The following RARB variants were observed in gnomAD, a reference collection of about 807,000 sequenced individuals.
RARB encodes the protein HBV-activated protein.
RARB carries 17 observed loss-of-function variants against 51.9 expected under a neutral mutation model. That is an observed-to-expected ratio of 0.33 (90% confidence interval 0.22 to 0.49). RARB has a LOEUF of 0.49. Ranked by LOEUF, RARB falls within the 20% of genes least tolerant of loss-of-function variation. The pLI is 0.99. For missense variants in RARB, 369 were observed against 550.8 expected, an observed-to-expected ratio of 0.67 and a Z score of 3.30; for synonymous variants, 215 against 195.4, an observed-to-expected ratio of 1.10 and a Z score of -0.84.
At chr3:25,158,437 G>A (rs929038551) in intron 4 of RARB, among the ~76,000 whole-genome samples, 4 of 152,188 alleles carry the variant, frequency 2.6e-5, no homozygotes, top group South Asian at 2.1e-4. Context: ...TGAAGAAGCT[G>A]TAGACCTATT....
intron 3 of RARB, among the ~76,000 whole-genome samples, chr3:25,538,354 G>A (rs1222423649): frequency 1.3e-5 from 2 of 152,158 alleles, no homozygotes; most frequent in African/African-American, 4.8e-5. Context: ...ACTTGGTAAT[G>A]CGGGCTCCTT....
At position 25,593,608 on chromosome 3, in the gene RARB, C is replaced by G; in HGVS notation, c.892C>G (p.Leu298Val). ...TQMHNAGFGP[L>V]TDLVFTFANQ... The stretch of plus-strand genomic sequence containing the variant: ...GATGCACAATGCTGGATTTGGTCCT[C>G]TGACTGACCTTGTGTTCACCTTTGC... Residue 298 changes from leucine to valine, a missense_variant, in exon 6 of 8, where the codon CTG (leucine) becomes GTG (valine). By Grantham distance (32) the Leu-to-Val change is conservative. Transcript: ENST00000330688. 2 of 1,614,100 alleles carry G rather than the reference C, an allele frequency of 1.2e-6. No individual in the cohort carries two copies. Among genetic ancestry groups the G allele is most frequent in the South Asian group, 1.1e-5 (1 of 91,084 alleles).
At chr3:25,482,653 C>T (rs1269837962) in intron 2 of RARB, among the ~76,000 whole-genome samples, 3 of 149,176 alleles carry the variant, frequency 2.0e-5, no homozygotes, top group Non-Finnish European at 3.0e-5. Flanking sequence ...GATTCTTCTA[C>T]CTCAGCCTCC....
At chr3:24,968,101 T>C (rs1325372558) in intron 2 of RARB, among the ~76,000 whole-genome samples, 1 of 152,144 alleles carries the variant, frequency 6.6e-6, no homozygotes, top group Non-Finnish European at 1.5e-5. Flanking sequence ...GTTTGGAGCA[T>C]CAGCCAGTTA....
intron 2 of RARB, among the ~76,000 whole-genome samples, chr3:24,885,343 G>C (rs929672320): frequency 4.6e-5 from 7 of 152,142 alleles, no homozygotes; most frequent in African/African-American, 1.7e-4. Flanking sequence ...TGCTGAAATG[G>C]AGATTGTGAG....
rs534384783 is a variant in RARB at position 25,247,703 on chromosome 3, C to T, written c.178+73128C>T. Among the ~76,000 whole-genome samples, 4 of 152,312 alleles carry T rather than the reference C, an allele frequency of 2.6e-5. No homozygotes were observed. In the South Asian group the frequency reaches 8.3e-4, roughly 32 times the overall value. On this transcript the variant is annotated intron_variant, in intron 5 of 11. Coordinates refer to the RARB transcript ENST00000383772. ...GAACCAGGTACCTCAGTTGGAAATG[C>T]AGAAATCACCCGCCTTCTGCGTTGG...
chr3:25,326,382 A>C (rs1704717136), intron 5 of RARB, among the ~76,000 whole-genome samples: 1 of 152,216 alleles, frequency 6.6e-6, no homozygotes, highest in Admixed American at 6.5e-5. Context: ...GGAAAGGAAC[A>C]GAAATTGAGT....
intron 2 of RARB, among the ~76,000 whole-genome samples, chr3:25,057,751 G>C (rs1008921460): frequency 1.3e-5 from 2 of 151,904 alleles, no homozygotes; most frequent in African/African-American, 4.8e-5. Context: ...AGACTTACTA[G>C]AAGAAGACTA....
intron 4 of RARB, among the ~76,000 whole-genome samples, chr3:25,575,279 C>T (rs1700880967): frequency 6.6e-6 from 1 of 152,130 alleles, no homozygotes; most frequent in Non-Finnish European, 1.5e-5. Flanking sequence ...GCCGTGCGGC[C>T]CAGTTCCTAG....
chr3:25,519,879 G>A lies in RARB; in HGVS notation c.448+18556G>A, dbSNP rs551762672. ...AAAAATTGAGGCCAATACTGTTTTT[G>A]CATTTACTTCTTTGTTTCCCCCAAG... On this transcript the variant is annotated intron_variant, in intron 3 of 7. Transcript: ENST00000330688. Among the ~76,000 whole-genome samples the A allele has an allele frequency of 1.7e-3, 254 of 152,262 alleles. 2 individuals are homozygous for A. The highest frequency in any genetic ancestry group is 5.8e-3 in the African/African-American group (241 of 41,548).
intron 5 of RARB, among the ~76,000 whole-genome samples, chr3:25,194,982 C>T (rs1040022356): frequency 1.3e-5 from 2 of 151,946 alleles, no homozygotes; most frequent in African/African-American, 4.8e-5. Context: ...ATATGGCTTG[C>T]TTTCTTATAC....
intron 2 of RARB, among the ~76,000 whole-genome samples, chr3:25,002,815 T>C (rs973249706): frequency 1.3e-5 from 2 of 152,042 alleles, no homozygotes; most frequent in Non-Finnish European, 2.9e-5. Context: ...TTGCTTTGTT[T>C]CATCATCTAT....
intron 5 of RARB, among the ~76,000 whole-genome samples, chr3:25,256,051 T>C (rs750437325): frequency 2.0e-5 from 3 of 152,190 alleles, no homozygotes; most frequent in Non-Finnish European, 4.4e-5. Flanking sequence ...TATTTCTATG[T>C]AGGAATGATG....
intron 2 of RARB, among the ~76,000 whole-genome samples, chr3:24,945,673 C>T (rs1323851519): frequency 6.6e-6 from 1 of 152,168 alleles, no homozygotes; most frequent in Admixed American, 6.5e-5. Flanking sequence ...AAGGGAATTC[C>T]CTTGGCACAT....
chr3:25,593,765 A>G, intron 6 of RARB, 58 bp downstream of exon 6: 4 of 1,525,702 alleles, frequency 2.6e-6, no homozygotes, highest in Non-Finnish European at 3.6e-6. Flanking sequence ...TATACTTGTA[A>G]TTTGTGAAAA....
chr3:25,218,029 T>G (rs1701871917), intron 5 of RARB, among the ~76,000 whole-genome samples: 1 of 152,264 alleles, frequency 6.6e-6, no homozygotes, highest in Non-Finnish European at 1.5e-5. Flanking sequence ...CAGGAAGTTT[T>G]CATTATTGCC....
chr3:25,316,932 G>A (rs973654204), intron 5 of RARB, among the ~76,000 whole-genome samples: 2 of 152,152 alleles, frequency 1.3e-5, no homozygotes, highest in Non-Finnish European at 2.9e-5. Flanking sequence ...GTGAGGGTTA[G>A]ACAGAATAAA....
chr3:25,526,967 A>G (rs548669255), intron 3 of RARB, among the ~76,000 whole-genome samples: 2 of 152,202 alleles, frequency 1.3e-5, no homozygotes, highest in African/African-American at 4.8e-5. Context: ...TGTGTGTGGG[A>G]GGTGGGGATG....
chr3:25,427,969 T>A (rs1454232861), upstream of RARB, among the ~76,000 whole-genome samples: 2 of 152,100 alleles, frequency 1.3e-5, no homozygotes, highest in Admixed American at 1.3e-4. Context: ...GGGAGAGAAG[T>A]TGGTGCTCAA....
Sources: gnomAD v4.1 joint callset for allele counts (sites outside exome capture counted in the v4.1 genomes callset) on GRCh38, gnomAD v4.1.1 for gene constraint, MANE v1.5 for transcripts, NCBI Gene and HGNC (gene_info 2026-07-23, HGNC 2026-07-21) for gene names.